ADGRF5: variants seen among roughly 807,000 people sequenced by gnomAD.
ADGRF5 encodes the protein adhesion G protein-coupled receptor F5.
Under a neutral mutation model 132.3 loss-of-function variants are expected in ADGRF5, and 75 were observed. That is an observed-to-expected ratio of 0.57 (90% CI 0.47 to 0.69). The LOEUF (loss-of-function observed/expected upper bound fraction) is 0.69. Among genes scored for constraint, ADGRF5 ranks in the 30% least tolerant of loss-of-function variants. The pLI is 0.00. For synonymous variants in ADGRF5, 629 were observed against 597.6 expected, an observed-to-expected ratio of 1.05 and a Z score of -0.77; for missense variants, 1,516 against 1,630.6, an observed-to-expected ratio of 0.93 and a Z score of 1.21.
chr6:46,905,825 CA>C (rs1291326214), intron 2 of ADGRF5, among the ~76,000 whole-genome samples: 14 of 152,116 alleles, frequency 9.2e-5, no homozygotes, highest in African/African-American at 3.4e-4. Flanking sequence ...ACAATAACAG[CA>C]AACAGTCACA....
At chr6:46,891,132 G>A (rs577252544) in intron 3 of ADGRF5, among the ~76,000 whole-genome samples, 12 of 152,150 alleles carry the variant, frequency 7.9e-5, no homozygotes, top group Non-Finnish European at 1.6e-4. Flanking sequence ...GAATATTAAG[G>A]TATACTTCTT....
intron 8 of ADGRF5, 136 bp downstream of exon 8, chr6:46,881,316 AGAG>A (rs1347716015): frequency 8.9e-6 from 6 of 674,538 alleles, no homozygotes; most frequent in Non-Finnish European, 1.6e-5. Flanking sequence ...CACTGGCATA[AGAG>A]GAGGAGGTGG....
chr6:46,935,105 G>T (rs1777754518), intron 1 of ADGRF5, among the ~76,000 whole-genome samples: 1 of 145,050 alleles, frequency 6.9e-6, no homozygotes, highest in Non-Finnish European at 1.5e-5. Context: ...CCGGGTTCAA[G>T]CCATTCTCCT....
At chr6:46,937,934 A>T (rs1777910905) in intron 1 of ADGRF5, among the ~76,000 whole-genome samples, 1 of 152,152 alleles carries the variant, frequency 6.6e-6, no homozygotes, top group Non-Finnish European at 1.5e-5. Context: ...TAAAACTTAT[A>T]AATTTTTTTT....
chr6:46,929,639 T>C (rs1165002306), intron 1 of ADGRF5, among the ~76,000 whole-genome samples: 3 of 151,448 alleles, frequency 2.0e-5, no homozygotes, highest in African/African-American at 7.3e-5. Context: ...TAAGATGAAG[T>C]AGTGATTTCT....
chr6:46,883,415 T>G, intron 6 of ADGRF5, 144 bp downstream of exon 6: 5 of 624,584 alleles, frequency 8.0e-6, no homozygotes, highest in Non-Finnish European at 1.4e-5. Flanking sequence ...GAGCACATAT[T>G]AATTCACCAT....
At chr6:46,877,322 CTTCTTTCT>C (rs201240602) in intron 10 of ADGRF5, among the ~76,000 whole-genome samples, 2,914 of 29,852 alleles carry the variant, frequency 0.098, 87 homozygotes, top group Middle Eastern at 0.17. Flanking sequence ...TCCTTCCTTC[CTTCTTTCT>C]TTCTTTCTTT....
intron 1 of ADGRF5, among the ~76,000 whole-genome samples, chr6:46,953,651 G>GTATATATATATATATCTATA (rs1778589735): frequency 2.4e-5 from 1 of 42,196 alleles, no homozygotes; most frequent in African/African-American, 7.0e-5. Flanking sequence ...AGATATATGT[G>GTATATATATATATATCTATA]TATATATATA....
rs1261319416 is a variant in ADGRF5 at position 46,853,688 on chromosome 6, G to C, written c.*304C>G. ...TGCCCAATGTGTAAAAAGTGAAAAT[G>C]TCTCTTCGAAATTCTATATTACAAT... On this transcript the variant is annotated 3_prime_UTR_variant, in exon 21 of 21. Transcript: ENST00000283296. The C allele has an allele frequency of 5.4e-6, 1 of 186,534 alleles. No individual in the cohort carries two copies. Among genetic ancestry groups the C allele is most frequent in the African/African-American group, 2.4e-5 (1 of 42,082 alleles). The allele number at this position is 186,534 out of a possible 1,614,324, so 11.6% of individuals were successfully genotyped here.
intron 3 of ADGRF5, among the ~76,000 whole-genome samples, chr6:46,899,677 G>GA (rs1554207051): frequency 6.9e-6 from 1 of 144,578 alleles, no homozygotes; most frequent in Non-Finnish European, 1.5e-5. Context: ...TGTTTGTTTT[G>GA]TTTTTTTTTT....
At chr6:46,935,388 A>G (rs1457684233) in intron 1 of ADGRF5, among the ~76,000 whole-genome samples, 2 of 152,176 alleles carry the variant, frequency 1.3e-5, no homozygotes, top group African/African-American at 4.8e-5. Flanking sequence ...CCTGCACTTG[A>G]GGGAAACCCC....
At chr6:46,877,838 A>G (rs537553563) in intron 10 of ADGRF5, among the ~76,000 whole-genome samples, 1 of 152,312 alleles carries the variant, frequency 6.6e-6, no homozygotes, top group East Asian at 1.9e-4. Context: ...TCAGACCTCA[A>G]TGACAAATGA....
chr6:46,906,696 G>C lies in ADGRF5; in HGVS notation c.67C>G (p.Leu23Val), dbSNP rs369787483. ...ATAGTAGACTCGTAATTCCAGTTCA[G>C]TGCAGCTTTGGAAGAATAAATCACA... ...FIVIYSSKAA[L>V]NWNYESTIHP... The change falls in exon 2 of 21, where the codon CTG (leucine) becomes GTG (valine). Residue 23 changes from leucine to valine, a missense_variant. Leu to Val is a conservative substitution (Grantham distance 32). Transcript: ENST00000283296. 1 of 1,599,096 alleles carries C rather than the reference G, an allele frequency of 6.3e-7. No individual in the cohort carries two copies. The highest frequency in any genetic ancestry group is 1.1e-5 in the South Asian group (1 of 90,794).
chr6:46,939,878 C>G (rs1453851036), intron 1 of ADGRF5, among the ~76,000 whole-genome samples: 4 of 152,150 alleles, frequency 2.6e-5, no homozygotes, highest in Admixed American at 6.5e-5. Flanking sequence ...CATTTTAATA[C>G]TATAGATGGA....
chr6:46,890,489 G>A lies in ADGRF5; in HGVS notation c.158-1984C>T, dbSNP rs188868751. Among the ~76,000 whole-genome samples the A allele has an allele frequency of 2.3e-3, 348 of 151,988 alleles. 11 individuals carry two copies. In the East Asian group the frequency reaches 0.054, roughly 24 times the overall value. The stretch of plus-strand genomic sequence containing the variant: ...TCCCAGCACTTTGGGAGGCCGAGGC[G>A]GGCAGATCACTTGAGGTCAGGAGTT... On this transcript the variant is annotated intron_variant, in intron 3 of 20. Transcript: ENST00000283296.
intron 12 of ADGRF5, among the ~76,000 whole-genome samples, chr6:46,868,611 C>T (rs1404047146): frequency 6.6e-6 from 1 of 152,184 alleles, no homozygotes; most frequent in East Asian, 1.9e-4. Flanking sequence ...ATCCTCATAA[C>T]TTAATGGCAA....
At chr6:46,867,396 G>C (rs1457012205) in intron 12 of ADGRF5, among the ~76,000 whole-genome samples, 1 of 152,180 alleles carries the variant, frequency 6.6e-6, no homozygotes, top group Non-Finnish European at 1.5e-5. Flanking sequence ...AGGCCAAACA[G>C]CCTGTTAGCG....
chr6:46,865,201 A>C lies in ADGRF5; in HGVS notation c.1835-4T>G, dbSNP rs760952942. 1.9e-6 allele frequency: 3 copies of C among 1,602,360 alleles called. No individual in the cohort carries two copies. In the South Asian group the frequency reaches 3.3e-5, roughly 18 times the overall value. On this transcript the variant is annotated splice_region_variant and splice_polypyrimidine_tract_variant and intron_variant, in intron 13 of 20. Transcript: ENST00000283296. Reference sequence around the variant, plus strand: ...TGTTTTTTGTTAACTTCTTTTGCTGAAGACAGAATTATTGAAAGAATTAAG... The same window carrying C: ...TGTTTTTTGTTAACTTCTTTTGCTGCAGACAGAATTATTGAAAGAATTAAG...
chr6:46,856,591 G>C (rs567964591), intron 19 of ADGRF5, 127 bp downstream of exon 19: 1 of 653,260 alleles, frequency 1.5e-6, no homozygotes, highest in African/African-American at 1.8e-5. Flanking sequence ...AGACAGGTTT[G>C]AGGATGCAAT....
Sources: gnomAD v4.1 joint callset for allele counts (sites outside exome capture counted in the v4.1 genomes callset) on GRCh38, gnomAD v4.1.1 for gene constraint, MANE v1.5 for transcripts, NCBI Gene and HGNC (gene_info 2026-07-23, HGNC 2026-07-21) for gene names.